PREX2: variants seen among roughly 807,000 people sequenced by gnomAD.
PREX2 encodes the protein phosphatidylinositol-3,4,5-trisphosphate dependent Rac exchange factor 2.
PREX2 carries 107 observed loss-of-function variants against 203.2 expected under a neutral mutation model. The ratio of observed to expected loss-of-function variants is 0.53; its 90% CI spans 0.45 to 0.62. PREX2 has a LOEUF of 0.62. Among genes scored for constraint, PREX2 ranks in the 20% least tolerant of loss-of-function variants. The pLI, the probability that PREX2 is intolerant of heterozygous loss-of-function variation, is 0.00. For missense variants in PREX2, 1,777 were observed against 1,955.9 expected (o/e 0.91, Z 1.72); for synonymous variants, 672 against 663.6 (o/e 1.01, Z -0.19).
intron 3 of PREX2, among the ~76,000 whole-genome samples, chr8:68,020,586 T>C (rs899562536): frequency 6.6e-6 from 1 of 152,210 alleles, no homozygotes; most frequent in Non-Finnish European, 1.5e-5. Context: ...GTGTTCTTTT[T>C]ATAGTCAGAA....
At chr8:68,150,210 G>A (rs748418260) in intron 34 of PREX2, among the ~76,000 whole-genome samples, 22 of 152,216 alleles carry the variant, frequency 1.4e-4, no homozygotes, top group Non-Finnish European at 2.8e-4. Flanking sequence ...ATGTCTTTGT[G>A]TAGGGACTGG....
chr8:68,149,721 C>T (rs992125652), intron 34 of PREX2, among the ~76,000 whole-genome samples: 4 of 152,178 alleles, frequency 2.6e-5, no homozygotes, highest in African/African-American at 9.7e-5. Context: ...AGAGAATACC[C>T]AGGCTCTGCC....
chr8:68,160,780 G>A (rs867857108), intron 35 of PREX2, among the ~76,000 whole-genome samples: 4 of 152,222 alleles, frequency 2.6e-5, no homozygotes, highest in Middle Eastern at 6.8e-3. Context: ...TTGATAGAGA[G>A]AAGACTTAGT....
intron 30 of PREX2, 82 bp from the exon 31 acceptor site, chr8:68,127,296 C>T (rs1426487529): frequency 9.1e-7 from 1 of 1,096,296 alleles, no homozygotes. Context: ...TAAGATCATA[C>T]TAATTTTGAC....
intron 1 of PREX2, among the ~76,000 whole-genome samples, chr8:67,962,471 A>C (rs2129017531): frequency 6.6e-6 from 1 of 152,188 alleles, no homozygotes; most frequent in South Asian, 2.1e-4. Flanking sequence ...ACATACTCCA[A>C]GATTATTTTA....
intron 34 of PREX2, among the ~76,000 whole-genome samples, chr8:68,148,507 G>A (rs183666369): frequency 6.6e-6 from 1 of 152,212 alleles, no homozygotes; most frequent in African/African-American, 2.4e-5. Context: ...GCCATAAATA[G>A]CTGAATAATC....
rs192397865 is a variant in PREX2 at position 68,228,745 on chromosome 8, G to A, written c.4776-2588G>A. On this transcript the variant is annotated intron_variant, in intron 39 of 39. Coordinates refer to ENST00000288368, the MANE Select transcript of PREX2 (RefSeq NM_024870.4). Reference sequence around the variant, plus strand: ...TGCGCCACTGCACTCCAGCCTGGACGACAGAGCGAGACTCCGTCTCTAAAT... The same window carrying A: ...TGCGCCACTGCACTCCAGCCTGGACAACAGAGCGAGACTCCGTCTCTAAAT... Among the ~76,000 whole-genome samples, 1,040 of 151,128 alleles carry A rather than the reference G, an allele frequency of 6.9e-3. 3 individuals are homozygous for A. The highest frequency in any genetic ancestry group is 0.014 in the Admixed American group (211 of 15,086).
chr8:68,210,450 A>G (rs1475736760), intron 37 of PREX2, among the ~76,000 whole-genome samples: 2 of 152,214 alleles, frequency 1.3e-5, no homozygotes, highest in Non-Finnish European at 2.9e-5. Context: ...GCTACCAAGC[A>G]AAATATCAGT....
rs1215258686 is a variant in PREX2 at position 68,093,633 on chromosome 8, G to A, written c.2279G>A (p.Ser760Asn). Reference protein sequence around the residue: ...KQDSIQWVYNSIESAQEDLQK... With the variant: ...KQDSIQWVYNNIESAQEDLQK... Reference sequence around the variant, plus strand: ...GATTCCATACAATGGGTTTATAATAGCATTGAGAGTGCTCAAGAAGACCTT... The same window carrying A: ...GATTCCATACAATGGGTTTATAATAACATTGAGAGTGCTCAAGAAGACCTT... Residue 760 changes from serine (S) to asparagine (N), a missense_variant, in exon 21 of 40, where the codon AGC becomes AAC. Ser to Asn is a conservative substitution (Grantham distance 46, BLOSUM62 1). Transcript: ENST00000288368. The A allele has an allele frequency of 1.2e-6, 2 of 1,605,198 alleles. No homozygotes were observed. The highest frequency in any genetic ancestry group is 1.1e-5 in the South Asian group (1 of 90,604).
intron 1 of PREX2, among the ~76,000 whole-genome samples, chr8:67,982,301 A>G (rs749349425): frequency 1.1e-4 from 16 of 152,156 alleles, no homozygotes; most frequent in Non-Finnish European, 1.6e-4. Flanking sequence ...GTGTGCCTAT[A>G]GTCCCAGCTA....
chr8:67,961,119 G>A (rs1788203364), intron 1 of PREX2, among the ~76,000 whole-genome samples: 1 of 151,804 alleles, frequency 6.6e-6, no homozygotes, highest in African/African-American at 2.4e-5. Flanking sequence ...TGTGATTATA[G>A]TTTCCTCAGC....
At chr8:68,132,742 A>G (rs1811032525) in intron 31 of PREX2, among the ~76,000 whole-genome samples, 1 of 152,176 alleles carries the variant, frequency 6.6e-6, no homozygotes, top group South Asian at 2.1e-4. Context: ...AGAAGAGTCT[A>G]TGAACCCTTG....
intron 6 of PREX2, among the ~76,000 whole-genome samples, chr8:68,033,472 A>G (rs559750044): frequency 3.1e-4 from 46 of 150,016 alleles, no homozygotes; most frequent in Non-Finnish European, 4.6e-4. Context: ...TGAAGGTAGT[A>G]TAGTACTTAG....
intron 21 of PREX2, 115 bp downstream of exon 21, chr8:68,093,837 A>T: frequency 1.9e-6 from 1 of 518,356 alleles, no homozygotes. Flanking sequence ...TTAAGTCGTT[A>T]TCACCAAACA....
intron 11 of PREX2, among the ~76,000 whole-genome samples, chr8:68,063,752 A>G (rs1244575127): frequency 1.3e-5 from 2 of 152,186 alleles, no homozygotes; most frequent in Non-Finnish European, 2.9e-5. Context: ...AAAAAGACAG[A>G]CTTAAACTAC....
intron 25 of PREX2, among the ~76,000 whole-genome samples, chr8:68,109,968 G>T (rs760134626): frequency 1.3e-5 from 2 of 151,796 alleles, no homozygotes; most frequent in African/African-American, 4.8e-5. Flanking sequence ...TGTAGTTCAG[G>T]GTGCAAATTT....
intron 35 of PREX2, among the ~76,000 whole-genome samples, chr8:68,182,930 A>G (rs1296831040): frequency 6.6e-6 from 1 of 151,300 alleles, no homozygotes; most frequent in East Asian, 2.0e-4. Flanking sequence ...AAGCAGAAGG[A>G]GGTGAGAGGG....
intron 1 of PREX2, among the ~76,000 whole-genome samples, chr8:68,009,023 C>A (rs1276682819): frequency 1.3e-5 from 2 of 152,028 alleles, no homozygotes; most frequent in South Asian, 4.1e-4. Context: ...AAATATGAAA[C>A]CAATTTATAA....
chr8:68,188,515 G>A (rs776985130), intron 35 of PREX2, among the ~76,000 whole-genome samples: 17 of 152,140 alleles, frequency 1.1e-4, no homozygotes, highest in Non-Finnish European at 1.8e-4. Flanking sequence ...GTATTAGTCT[G>A]TTCTCATGTT....
Sources: allele counts gnomAD v4.1 joint callset (sites outside exome capture counted in the v4.1 genomes callset), GRCh38; gene constraint gnomAD v4.1.1; transcripts MANE v1.5; gene names NCBI Gene and HGNC (gene_info 2026-07-23, HGNC 2026-07-21).